The following COL23A1 variants were observed in gnomAD, a reference collection of about 807,000 sequenced individuals.
COL23A1 encodes the protein collagen type XXIII alpha 1 chain, also known as collagen alpha-1(XXIII) chain.
In COL23A1, 97 loss-of-function variants were observed where a neutral mutation model predicts 99.3. The observed-to-expected ratio is 0.98, with a 90% CI of 0.83 to 1.16. The LOEUF is 1.16. Among genes scored for constraint, COL23A1 ranks in the 50% most tolerant of loss-of-function variants. COL23A1 has a pLI of 0.00. For missense variants in COL23A1, 762 were observed against 757.4 expected, an observed-to-expected ratio of 1.01 and a Z score of -0.07; for synonymous variants, 320 against 308.2, an observed-to-expected ratio of 1.04 and a Z score of -0.40.
chr5:178,561,065 C>T (rs1762537075), intron 1 of COL23A1, among the ~76,000 whole-genome samples: 1 of 152,220 alleles, frequency 6.6e-6, no homozygotes, highest in Non-Finnish European at 1.5e-5. Flanking sequence ...GCCACAGCGA[C>T]CACCAGCCCT....
chr5:178,403,121 AATAAATAAATAAAAAAT>A lies in COL23A1; in HGVS notation c.362-96219_362-96203del, dbSNP rs1327516215. On this transcript the variant is annotated intron_variant, in intron 2 of 28. Coordinates refer to ENST00000390654, the MANE Select transcript of COL23A1 (RefSeq NM_173465.4). ...GAGACTCCATCTCAAAAAAAAAAAA[AATAAATAAATAAAAAAT>A]AAATACCATTTACCGAAATCTTCTA... Among the ~76,000 whole-genome samples the A allele has an allele frequency of 1.1e-4, 8 of 74,188 alleles. 3 individuals are homozygous for A. In the South Asian group the frequency reaches 2.3e-3, roughly 21 times the overall value. 48.7% of individuals were successfully genotyped at this position (74,188 alleles called of 152,430 possible). A position where few individuals can be genotyped will look rare whatever the true frequency, so the allele number is the denominator to read the frequency against.
At chr5:178,452,537 C>A (rs1350807036) in intron 2 of COL23A1, among the ~76,000 whole-genome samples, 2 of 152,152 alleles carry the variant, frequency 1.3e-5, no homozygotes, top group Non-Finnish European at 2.9e-5. Flanking sequence ...CTGCCATGAG[C>A]AAAATCAAAA....
chr5:178,488,444 G>C (rs1243366761), intron 2 of COL23A1, among the ~76,000 whole-genome samples: 1 of 152,108 alleles, frequency 6.6e-6, no homozygotes, highest in Non-Finnish European at 1.5e-5. Flanking sequence ...GGCACATGAA[G>C]ATTTCTAGTG....
In COL23A1 at chr5:178,255,409, C is replaced by G. The variant is rs570469540; in HGVS notation, c.883-383G>C. ...ACATGAGCAGGCTGGATCTGGCCCC[C>G]GTGCCTCCATTTCCCAGCCTCTGGG... On this transcript the variant is annotated intron_variant, in intron 15 of 28. Transcript: ENST00000390654. This position sits in a 1 kb window ranked among gnomAD's most constrained non-coding sequence, Gnocchi z 4.2. Among the ~76,000 whole-genome samples, 1 of 152,210 alleles carries G rather than the reference C, an allele frequency of 6.6e-6. No homozygotes were observed. Among genetic ancestry groups the G allele is most frequent in the Non-Finnish European group, 1.5e-5 (1 of 68,036 alleles).
intron 5 of COL23A1, among the ~76,000 whole-genome samples, chr5:178,279,061 A>G (rs1756748035): frequency 6.6e-6 from 1 of 152,182 alleles, no homozygotes; most frequent in Non-Finnish European, 1.5e-5. Flanking sequence ...CGGAGAGGCC[A>G]GGACACCAGC....
chr5:178,345,341 A>ACT (rs1554141979), intron 2 of COL23A1: 2 of 522,210 alleles, frequency 3.8e-6, no homozygotes, highest in Non-Finnish European at 7.1e-6. Context: ...CATTGAAATC[A>ACT]TTTTTTTCCC....
intron 2 of COL23A1, among the ~76,000 whole-genome samples, chr5:178,337,033 A>C (rs1760363015): frequency 6.6e-6 from 1 of 152,240 alleles, no homozygotes; most frequent in Non-Finnish European, 1.5e-5. Context: ...AACAGGGATC[A>C]CGCAGATCTC....
chr5:178,388,593 CT>C (rs1220881656), intron 2 of COL23A1, among the ~76,000 whole-genome samples: 4 of 152,220 alleles, frequency 2.6e-5, no homozygotes, highest in African/African-American at 9.6e-5. Flanking sequence ...CTCCCACTGC[CT>C]GTCATCAACT....
In COL23A1 at chr5:178,306,082, C is replaced by T. The variant is rs555818667; in HGVS notation, c.406+793G>A. On this transcript the variant is annotated intron_variant, in intron 3 of 28. Coordinates refer to ENST00000390654, the MANE Select transcript of COL23A1 (RefSeq NM_173465.4). The surrounding 1 kb of genome is among the most constrained non-coding windows in gnomAD (Gnocchi z 4.1). ...AGACTGTGGGAGAGAGGAGAGGAGA[C>T]GACCAAGGGAGATTCATTCACGGGG... 6.6e-6 allele frequency among the ~76,000 whole-genome samples: 1 copy of T among 152,024 alleles called. No homozygotes were observed. The highest frequency in any genetic ancestry group is 1.9e-4 in the East Asian group (1 of 5,152).
intron 3 of COL23A1, among the ~76,000 whole-genome samples, chr5:178,300,290 A>G (rs1581108475): frequency 7.2e-6 from 1 of 138,474 alleles, no homozygotes; most frequent in East Asian, 2.2e-4. Context: ...CTGGTCTTGA[A>G]CTCCTGACCT....
intron 1 of COL23A1, among the ~76,000 whole-genome samples, chr5:178,564,254 T>G (rs901291446): frequency 3.3e-5 from 5 of 152,172 alleles, no homozygotes; most frequent in African/African-American, 1.2e-4. Context: ...TGTGCTTTTG[T>G]TTCTCTCAAT....
At chr5:178,483,000 A>G (rs1052635692) in intron 2 of COL23A1, among the ~76,000 whole-genome samples, 3 of 152,272 alleles carry the variant, frequency 2.0e-5, no homozygotes, top group South Asian at 4.1e-4. Flanking sequence ...TGAGCCCAAG[A>G]GGCTGAGGCT....
At chr5:178,375,466 C>A (rs895825489) in intron 2 of COL23A1, among the ~76,000 whole-genome samples, 2 of 152,256 alleles carry the variant, frequency 1.3e-5, no homozygotes, top group Non-Finnish European at 2.9e-5. Flanking sequence ...TGGCCTTTCT[C>A]TCGGAACCCT....
intron 2 of COL23A1, among the ~76,000 whole-genome samples, chr5:178,508,559 G>A (rs1471979942): frequency 6.6e-6 from 1 of 152,146 alleles, no homozygotes. Flanking sequence ...ACGTGGGGTG[G>A]ACACCAGGTT....
chr5:178,500,424 CAAAAAA>C (rs770679841), intron 2 of COL23A1, among the ~76,000 whole-genome samples: 3 of 65,696 alleles, frequency 4.6e-5, no homozygotes, highest in African/African-American at 1.1e-4. Flanking sequence ...CCCATCTCTA[CAAAAAA>C]AAAAAAAAAA....
intron 20 of COL23A1, 30 bp from the exon 21 acceptor site, chr5:178,247,861 C>T (rs764445051): frequency 6.3e-7 from 1 of 1,597,248 alleles, no homozygotes; most frequent in Admixed American, 1.7e-5. Flanking sequence ...GGTTAGTCAC[C>T]CACCGCCTGT....
chr5:178,382,264 C>T (rs908331899), intron 2 of COL23A1, among the ~76,000 whole-genome samples: 15 of 152,170 alleles, frequency 9.9e-5, no homozygotes, highest in Non-Finnish European at 1.9e-4. Flanking sequence ...CCCACATTGC[C>T]TGGAGGGAGT....
chr5:178,482,919 G>T (rs1271332359), intron 2 of COL23A1, among the ~76,000 whole-genome samples: 2 of 151,566 alleles, frequency 1.3e-5, no homozygotes, highest in African/African-American at 2.4e-5. Context: ...AAAGAAAAAA[G>T]AAAAGACTTA....
At chr5:178,502,514 T>C (rs1394869103) in intron 2 of COL23A1, among the ~76,000 whole-genome samples, 1 of 152,154 alleles carries the variant, frequency 6.6e-6, no homozygotes, top group Non-Finnish European at 1.5e-5. Context: ...TCAGTGTCCT[T>C]AGTAATCAGA....
Sources: gnomAD v4.1 joint callset for allele counts (sites outside exome capture counted in the v4.1 genomes callset) on GRCh38, gnomAD v4.1.1 for gene constraint, Gnocchi (gnomAD v3.1) non-coding constraint, MANE v1.5 for transcripts, NCBI Gene and HGNC (gene_info 2026-07-23, HGNC 2026-07-21) for gene names.